KIF3B: variants seen among roughly 807,000 people sequenced by gnomAD.
KIF3B encodes the protein kinesin-like protein KIF3B.
In KIF3B, 38 loss-of-function variants were observed where a neutral mutation model predicts 74.3. The ratio of observed to expected loss-of-function variants is 0.51; its 90% CI spans 0.39 to 0.67. The LOEUF is 0.67. Among genes scored for constraint, KIF3B ranks in the 30% least tolerant of loss-of-function variants. KIF3B has a pLI of 0.00. For missense variants in KIF3B, 649 were observed against 932.0 expected (o/e 0.70, Z 3.95); for synonymous variants, 326 against 342.5 (o/e 0.95, Z 0.53).
chr20:32,292,773 T>C (rs2047699267), intron 1 of KIF3B, among the ~76,000 whole-genome samples: 1 of 151,278 alleles, frequency 6.6e-6, no homozygotes. Context: ...AACAACAGAA[T>C]GTGAAGACCT....
chr20:32,323,107 TA>T (rs1274441108), intron 5 of KIF3B, among the ~76,000 whole-genome samples: 4 of 126,296 alleles, frequency 3.2e-5, no homozygotes, highest in Admixed American at 2.0e-4. Flanking sequence ...TATATTTATA[TA>T]TATTTATATA....
intron 1 of KIF3B, among the ~76,000 whole-genome samples, chr20:32,299,386 TATATATATA>T (rs2047731063): frequency 2.7e-5 from 1 of 37,322 alleles, no homozygotes; most frequent in Non-Finnish European, 4.9e-5. Context: ...TGTGTATATA[TATATATATA>T]TATATATATT....
chr20:32,322,804 A>T (rs1372850029), intron 5 of KIF3B, among the ~76,000 whole-genome samples: 62 of 51,450 alleles, frequency 1.2e-3, no homozygotes, highest in African/African-American at 4.8e-3. Flanking sequence ...ATATATATTT[A>T]TATATATTTA....
chr20:32,330,451 T>C (rs1458207322), intron 8 of KIF3B, 132 bp downstream of exon 8: 1 of 750,320 alleles, frequency 1.3e-6, no homozygotes, highest in Non-Finnish European at 2.1e-6. Context: ...CTCCTATGTT[T>C]ACTTATTTAT....
chr20:32,295,955 C>T (rs755574227), intron 1 of KIF3B, among the ~76,000 whole-genome samples: 6 of 150,988 alleles, frequency 4.0e-5, no homozygotes, highest in Non-Finnish European at 7.4e-5. Context: ...ACCTCTGCCT[C>T]CCGGGTTTGA....
chr20:32,311,089 G>A lies in KIF3B; in HGVS notation c.1312G>A (p.Glu438Lys). ...AGAGGATCACAGCTTGGTTGCAGAG[G>A]AGAAGATGAGGCTGCTGAAGGAGAA... ...IVEDHSLVAEEKMRLLKEKEK... is the reference protein window; with the variant it reads ...IVEDHSLVAEKKMRLLKEKEK... The change falls in exon 2 of 9, where the codon GAG becomes AAG. Residue 438 changes from glutamate (E) to lysine (K), a missense_variant. Physicochemically the swap from Glu to Lys is moderately conservative, Grantham distance 56 (BLOSUM62 1). This residue lies in a region of KIF3B where 363 missense variants were observed against 592.8 expected (regional missense o/e 0.61). Coordinates refer to ENST00000375712, the MANE Select transcript of KIF3B (RefSeq NM_004798.4). 3 of 1,613,902 alleles carry A rather than the reference G, an allele frequency of 1.9e-6. No homozygotes were observed. Among genetic ancestry groups the A allele is most frequent in the Non-Finnish European group, 1.7e-6 (2 of 1,179,946 alleles).
intron 1 of KIF3B, among the ~76,000 whole-genome samples, chr20:32,296,026 G>A (rs539192457): frequency 4.0e-5 from 6 of 151,384 alleles, no homozygotes; most frequent in Non-Finnish European, 7.4e-5. Flanking sequence ...CACCACGCCC[G>A]GCTAAGTTTT....
At chr20:32,294,543 A>G (rs1014077942) in intron 1 of KIF3B, among the ~76,000 whole-genome samples, 1 of 152,200 alleles carries the variant, frequency 6.6e-6, no homozygotes, top group Admixed American at 6.5e-5. Context: ...GGTCAATATT[A>G]CCTGCATTTC....
At chr20:32,318,454 A>G (rs2047839522) in intron 5 of KIF3B, among the ~76,000 whole-genome samples, 1 of 152,044 alleles carries the variant, frequency 6.6e-6, no homozygotes, top group African/African-American at 2.4e-5. Flanking sequence ...GTTAGTAGTC[A>G]CTCCTCATTA....
chr20:32,328,105 A>T (rs1034232023), intron 7 of KIF3B, among the ~76,000 whole-genome samples: 2 of 152,034 alleles, frequency 1.3e-5, no homozygotes, highest in African/African-American at 4.8e-5. Flanking sequence ...TGTCTCAAAA[A>T]ATAAATAAGT....
Position 32,322,708 on chromosome 20 carries a change from TTA to T in KIF3B, c.1749-4055_1749-4054del, listed in dbSNP as rs1331740720. Among the ~76,000 whole-genome samples the T allele has an allele frequency of 2.4e-4, 11 of 46,336 alleles. 2 individuals carry two copies. The highest frequency in any genetic ancestry group is 9.0e-4 in the African/African-American group (10 of 11,090). The allele number at this position is 46,336 out of a possible 152,430, so 30.4% of individuals were successfully genotyped here. On this transcript the variant is annotated intron_variant, in intron 5 of 8. Coordinates refer to ENST00000375712, the MANE Select transcript of KIF3B (RefSeq NM_004798.4). ...TATATATTTATATATATTTATATAT[TTA>T]TATATATTTATATTTATTTATTTAT...
intron 3 of KIF3B, 56 bp downstream of exon 3, chr20:32,316,375 C>T: frequency 6.5e-7 from 1 of 1,528,676 alleles, no homozygotes; most frequent in Non-Finnish European, 9.1e-7. Flanking sequence ...GTTTATGCTG[C>T]AGAGCAAACG....
intron 1 of KIF3B, among the ~76,000 whole-genome samples, chr20:32,307,347 T>C (rs1287406109): frequency 5.3e-5 from 8 of 152,206 alleles, no homozygotes. Context: ...CATATCTTGG[T>C]ATAGGATTAC....
rs756318630 is a variant in KIF3B, at chr20:32,277,706, CCCGCCGCCGCCGCCGCCGCCG to C, written c.-107_-87del. 4.6e-5 allele frequency: 12 copies of C among 261,106 alleles called. No homozygotes were observed. Among genetic ancestry groups the C allele is most frequent in the Non-Finnish European group, 7.7e-5 (11 of 143,734 alleles). 16.2% of individuals were successfully genotyped at this position (261,106 alleles called of 1,614,324 possible). A position where few individuals can be genotyped will look rare whatever the true frequency, so the allele number is the denominator to read the frequency against. ...ATGGCTGAGCCAGGGGTTCGCCGCC[CCCGCCGCCGCCGCCGCCGCCG>C]CCGCCGCCGCCGCCGCCCGCTTTCG... On this transcript the variant is annotated 5_prime_UTR_variant, in exon 1 of 9. Transcript: ENST00000375712.
chr20:32,303,873 A>G (rs76367426), intron 1 of KIF3B, among the ~76,000 whole-genome samples: 1 of 146,746 alleles, frequency 6.8e-6, no homozygotes, highest in Admixed American at 6.9e-5. Context: ...AAAAAAAAAA[A>G]AGAAAGAAAA....
intron 5 of KIF3B, among the ~76,000 whole-genome samples, chr20:32,321,014 A>G (rs1361419096): frequency 6.6e-6 from 1 of 151,810 alleles, no homozygotes; most frequent in Non-Finnish European, 1.5e-5. Flanking sequence ...CATTTGAGTT[A>G]ATTTCTGTGT....
At chr20:32,309,083 T>G (rs930350993) in intron 1 of KIF3B, among the ~76,000 whole-genome samples, 2 of 151,946 alleles carry the variant, frequency 1.3e-5, no homozygotes, top group African/African-American at 4.8e-5. Context: ...GTGGCGTGAT[T>G]GCGGCTTACT....
Position 32,331,460 on chromosome 20 carries a change from A to G in KIF3B, c.*141A>G, listed in dbSNP as rs1004392287. The G allele has an allele frequency of 3.0e-5, 19 of 631,294 alleles. No homozygotes were observed. Among genetic ancestry groups the G allele is most frequent in the Admixed American group, 1.2e-4 (4 of 32,114 alleles). The allele number at this position is 631,294 out of a possible 1,614,324, so 39.1% of individuals were successfully genotyped here. A position where few individuals can be genotyped will look rare whatever the true frequency, so the allele number is the denominator to read the frequency against. ...CGGTGGCCTCTTTGCAGATCAACCA[A>G]CTTAATCTGGTTGAACGTGCTGTTC... is the stretch of plus-strand genomic sequence containing the variant. On this transcript the variant is annotated 3_prime_UTR_variant, in exon 9 of 9. Coordinates refer to ENST00000375712, the MANE Select transcript of KIF3B (RefSeq NM_004798.4).
intron 1 of KIF3B, among the ~76,000 whole-genome samples, chr20:32,291,436 T>A (rs1398676533): frequency 1.3e-5 from 2 of 152,094 alleles, no homozygotes; most frequent in Non-Finnish European, 2.9e-5. Context: ...ACCTATAACC[T>A]TCCATGCACC....
Sources: allele counts gnomAD v4.1 joint callset (sites outside exome capture counted in the v4.1 genomes callset), GRCh38; gene constraint gnomAD v4.1.1; regional missense constraint gnomAD v4.1.1; transcripts MANE v1.5; gene names NCBI Gene and HGNC (gene_info 2026-07-23, HGNC 2026-07-21).